ARHGAP29: variants seen among roughly 807,000 people sequenced by gnomAD.
ARHGAP29 encodes Rho GTPase activating protein 29, also known as rho GTPase-activating protein 29.
A neutral mutation model predicts 122.6 loss-of-function variants in ARHGAP29; 43 were observed. The ratio of observed to expected loss-of-function variants is 0.35; its 90% CI spans 0.27 to 0.45. The LOEUF (loss-of-function observed/expected upper bound fraction) is 0.45, where lower values mean the gene tolerates loss of function less well. Ranked by LOEUF, ARHGAP29 falls within the 20% of genes least tolerant of loss-of-function variation. ARHGAP29 has a pLI of 1.00. For synonymous variants in ARHGAP29, 506 were observed against 497.1 expected (o/e 1.02, Z -0.24); for missense variants, 1,303 against 1,477.2 (o/e 0.88, Z 1.93).
the ARHGAP29 span, among the ~76,000 whole-genome samples, chr1:94,304,016 AC>A: frequency 6.6e-6 from 1 of 151,930 alleles, no homozygotes; most frequent in Non-Finnish European, 1.5e-5. Context: ...TTGCAGTCTG[AC>A]CCCAGTTACT....
chr1:94,300,300 C>G, the ARHGAP29 span, among the ~76,000 whole-genome samples: 1 of 152,206 alleles, frequency 6.6e-6, no homozygotes, highest in Non-Finnish European at 1.5e-5. Flanking sequence ...GAGGTTCCTA[C>G]AATACTTAAT....
the ARHGAP29 span, among the ~76,000 whole-genome samples, chr1:94,292,893 C>T: frequency 2.6e-5 from 4 of 152,140 alleles, no homozygotes; most frequent in Non-Finnish European, 5.9e-5. Context: ...GAGGTGTCTC[C>T]CAATCAGGCT....
At chr1:94,252,053 A>G (rs928861952) in intron 1 of ARHGAP29, among the ~76,000 whole-genome samples, 1 of 152,390 alleles carries the variant, frequency 6.6e-6, no homozygotes, top group African/African-American at 2.4e-5. Flanking sequence ...TAACAATACA[A>G]TATATCCAAA....
the ARHGAP29 span, among the ~76,000 whole-genome samples, chr1:94,287,156 A>G: frequency 6.6e-6 from 1 of 152,268 alleles, no homozygotes; most frequent in East Asian, 1.9e-4. Context: ...ACTCAAGTAA[A>G]CACTTTCGTT....
In ARHGAP29 at chr1:94,202,978, A is replaced by G; in HGVS notation, c.894T>C (p.Asn298=). ...TTTCTTTCCTTTGTTTTTCCATTTC[A>G]TTTTTCCTTCCAAGTAGAGGCTGTG... ...KFVQPLLGRK[N]EMEKQRKEIK... Residue 298 remains asparagine, a synonymous_variant, in exon 10 of 23, where the codon AAT becomes AAC. Transcript: ENST00000260526. The G allele has an allele frequency of 6.2e-7, 1 of 1,608,756 alleles. No individual in the cohort carries two copies. Among genetic ancestry groups the G allele is most frequent in the Non-Finnish European group, 8.5e-7 (1 of 1,178,852 alleles).
At chr1:94,179,660 C>A in intron 20 of ARHGAP29, 65 bp downstream of exon 20, 47 of 844,136 alleles carry the variant, frequency 5.6e-5, no homozygotes, top group South Asian at 1.7e-4. Flanking sequence ...GATTTTACCA[C>A]AATTAAAAAC....
chr1:94,233,302 T>C (rs1653042501), intron 1 of ARHGAP29, among the ~76,000 whole-genome samples: 1 of 152,022 alleles, frequency 6.6e-6, no homozygotes, highest in Non-Finnish European at 1.5e-5. Flanking sequence ...GTAAGATACA[T>C]TATTGTATCA....
At chr1:94,278,248 G>A (rs140978696), upstream of ARHGAP29, among the ~76,000 whole-genome samples, 7 of 152,256 alleles carry the variant, frequency 4.6e-5, no homozygotes, top group African/African-American at 1.7e-4. Context: ...CAGCCCATGA[G>A]TTGGAGTTTA....
chr1:94,186,662 A>C (rs764182446), intron 15 of ARHGAP29, 65 bp from the exon 16 acceptor site: 2 of 1,223,372 alleles, frequency 1.6e-6, no homozygotes, highest in Non-Finnish European at 2.4e-6. Flanking sequence ...ATAGGAAATG[A>C]CAACACTTTT....
At chr1:94,310,998 C>A in the ARHGAP29 span, among the ~76,000 whole-genome samples, 1 of 152,214 alleles carries the variant, frequency 6.6e-6, no homozygotes, top group Non-Finnish European at 1.5e-5. Context: ...GAATAACATA[C>A]CTGATTAGTG....
intron 7 of ARHGAP29, among the ~76,000 whole-genome samples, 166 bp from the exon 8 acceptor site, chr1:94,204,160 TA>T (rs1299005002): frequency 4.0e-5 from 6 of 149,968 alleles, no homozygotes; most frequent in Non-Finnish European, 3.0e-5. Flanking sequence ...TTTTTTTTTT[TA>T]AAAAGAGACA....
the ARHGAP29 span, among the ~76,000 whole-genome samples, chr1:94,298,512 G>A: frequency 6.6e-6 from 1 of 152,148 alleles, no homozygotes; most frequent in Admixed American, 6.5e-5. Context: ...TATTCAAGTG[G>A]TCTCTCAATT....
intron 15 of ARHGAP29, among the ~76,000 whole-genome samples, chr1:94,188,112 T>C (rs1437549013): frequency 1.3e-5 from 2 of 152,114 alleles, no homozygotes; most frequent in East Asian, 1.9e-4. Flanking sequence ...AGACAGAATG[T>C]TGGATGTAAG....
the ARHGAP29 span, among the ~76,000 whole-genome samples, chr1:94,294,493 G>A: frequency 2.6e-4 from 39 of 152,110 alleles, no homozygotes; most frequent in Non-Finnish European, 4.6e-4. Context: ...TTGCTGTGTT[G>A]AGCAGGCTTA....
chr1:94,302,740 C>A, the ARHGAP29 span: 1 of 373,750 alleles, frequency 2.7e-6, no homozygotes, highest in South Asian at 2.1e-5. Flanking sequence ...GCCAATGTGT[C>A]AGTCATGGAC....
At chr1:94,309,051 C>T in the ARHGAP29 span, among the ~76,000 whole-genome samples, 1 of 152,198 alleles carries the variant, frequency 6.6e-6, no homozygotes, top group South Asian at 2.1e-4. Flanking sequence ...GATCACATTC[C>T]CAAGTGTACA....
At position 94,196,262 on chromosome 1, in the gene ARHGAP29, T is replaced by TTC. The variant is rs1553205856; in HGVS notation, c.1281+5457_1281+5458insGA. ...TCGATTTTTCCGTGTTTTTCTTTTT[T>TTC]TTTTTTTTTTTTTTTTTGAGACGGA... On this transcript the variant is annotated intron_variant, in intron 12 of 22. Coordinates refer to ENST00000260526, the MANE Select transcript of ARHGAP29 (RefSeq NM_004815.4). Among the ~76,000 whole-genome samples, 40 of 124,560 alleles carry TTC rather than the reference T, an allele frequency of 3.2e-4. 1 individual carries two copies. Among genetic ancestry groups the TTC allele is most frequent in the East Asian group, 1.1e-3 (5 of 4,358 alleles). 81.7% of individuals were successfully genotyped at this position (124,560 alleles called of 152,430 possible).
At chr1:94,289,466 A>G in the ARHGAP29 span, among the ~76,000 whole-genome samples, 6 of 152,134 alleles carry the variant, frequency 3.9e-5, no homozygotes, top group Non-Finnish European at 8.8e-5. Context: ...CTCTTTTCCT[A>G]ATTGAATACA....
chr1:94,313,689 C>A, the ARHGAP29 span, among the ~76,000 whole-genome samples: 12 of 152,120 alleles, frequency 7.9e-5, no homozygotes, highest in Non-Finnish European at 1.6e-4. Context: ...ATGTTTATTG[C>A]GGCACTATTC....
Sources: gnomAD v4.1 joint callset for allele counts (sites outside exome capture counted in the v4.1 genomes callset) on GRCh38, gnomAD v4.1.1 for gene constraint, MANE v1.5 for transcripts, NCBI Gene and HGNC (gene_info 2026-07-23, HGNC 2026-07-21) for gene names.